Variants in DIS3L2 observed in about 807,000 individuals in gnomAD.
DIS3L2 encodes DIS3-like exonuclease 2.
Under a neutral mutation model 97.5 loss-of-function variants are expected in DIS3L2, and 34 were observed. The ratio of observed to expected loss-of-function variants is 0.35; its 90% CI spans 0.27 to 0.46. The LOEUF is 0.46. Ranked by LOEUF, DIS3L2 falls within the 20% of genes least tolerant of loss-of-function variation. The pLI, the probability that DIS3L2 is intolerant of heterozygous loss-of-function variation, is 1.00. For missense variants in DIS3L2, 1,038 were observed against 1,146.0 expected, an observed-to-expected ratio of 0.91 and a Z score of 1.36; for synonymous variants, 435 against 445.2, an observed-to-expected ratio of 0.98 and a Z score of 0.29.
At chr2:232,046,640 T>G (rs1426854117) in intron 5 of DIS3L2, among the ~76,000 whole-genome samples, 1 of 152,184 alleles carries the variant, frequency 6.6e-6, no homozygotes, top group Non-Finnish European at 1.5e-5. Flanking sequence ...CTGTAACCCC[T>G]TCACCCCCTT....
At chr2:232,204,956 A>G (rs1691988974) in intron 9 of DIS3L2, among the ~76,000 whole-genome samples, 1 of 152,028 alleles carries the variant, frequency 6.6e-6, no homozygotes, top group Non-Finnish European at 1.5e-5. Flanking sequence ...TGTCAGGGTC[A>G]CTCACCGTTC....
At chr2:231,967,427 A>AT (rs1266111557) in intron 1 of DIS3L2, among the ~76,000 whole-genome samples, 3 of 152,184 alleles carry the variant, frequency 2.0e-5, no homozygotes, top group East Asian at 3.9e-4. Context: ...GTTTAACTTC[A>AT]TTTTTTTAGG....
intron 6 of DIS3L2, among the ~76,000 whole-genome samples, chr2:232,128,696 C>T (rs1426547707): frequency 6.6e-6 from 1 of 152,010 alleles, no homozygotes; most frequent in Admixed American, 6.6e-5. Flanking sequence ...CTCTAGTGAT[C>T]CTTCTGCCCT....
At chr2:232,023,373 A>T (rs1420324045) in intron 3 of DIS3L2, among the ~76,000 whole-genome samples, 2 of 152,158 alleles carry the variant, frequency 1.3e-5, no homozygotes, top group Non-Finnish European at 2.9e-5. Flanking sequence ...TTTCTGCTTT[A>T]TTTTATGCCG....
chr2:232,072,842 G>A (rs1192043612), intron 5 of DIS3L2, among the ~76,000 whole-genome samples: 1 of 150,876 alleles, frequency 6.6e-6, no homozygotes, highest in Non-Finnish European at 1.5e-5. Flanking sequence ...GAGAGAAGGG[G>A]AGGTTGAGGT....
chr2:232,013,808 C>G (rs1694278346), intron 1 of DIS3L2, among the ~76,000 whole-genome samples: 1 of 152,236 alleles, frequency 6.6e-6, no homozygotes, highest in African/African-American at 2.4e-5. Flanking sequence ...TCTCTCCCTT[C>G]TTTCAACTGG....
intron 1 of DIS3L2, among the ~76,000 whole-genome samples, chr2:231,988,959 G>A (rs1046590872): frequency 5.9e-5 from 9 of 152,160 alleles, no homozygotes; most frequent in African/African-American, 2.2e-4. Flanking sequence ...TTGTTCAGTT[G>A]ATTATAGGTT....
rs376722215 is a variant in DIS3L2 at position 232,249,298 on chromosome 2, C to T, written c.1377C>T (p.Ser459=). The change falls in exon 12 of 21, where the codon TCC becomes TCT. Residue 459 remains serine (S), a synonymous_variant. Transcript: ENST00000325385. ...CEELCSLNPM[S]DKLTFSVIWT... ...AGCTGTGCAGCCTCAACCCCATGTCCGACAAGCTGACCTTCTCTGTGATCT... is the reference window on the plus strand; with the variant it reads ...AGCTGTGCAGCCTCAACCCCATGTCTGACAAGCTGACCTTCTCTGTGATCT... 2.6e-5 allele frequency: 42 copies of T among 1,614,086 alleles called. 1 individual carries two copies. Among genetic ancestry groups the T allele is most frequent in the East Asian group, 1.8e-4 (8 of 44,908 alleles).
intron 1 of DIS3L2, among the ~76,000 whole-genome samples, chr2:231,975,289 T>C (rs1244877132): frequency 6.6e-6 from 1 of 152,034 alleles, no homozygotes; most frequent in East Asian, 1.9e-4. Context: ...TCTGAGGCAG[T>C]TGGAACAGGA....
intron 10 of DIS3L2, among the ~76,000 whole-genome samples, chr2:232,235,394 T>G (rs1317537956): frequency 6.6e-6 from 1 of 152,222 alleles, no homozygotes; most frequent in African/African-American, 2.4e-5. Context: ...TTCTGCAAGT[T>G]CACATTATGT....
intron 10 of DIS3L2, among the ~76,000 whole-genome samples, chr2:232,218,268 GTC>G (rs1692399552): frequency 6.6e-6 from 1 of 152,178 alleles, no homozygotes; most frequent in Non-Finnish European, 1.5e-5. Context: ...ACACATATAT[GTC>G]CATGTCATGT....
intron 14 of DIS3L2, among the ~76,000 whole-genome samples, chr2:232,309,773 C>T (rs1695077176): frequency 6.6e-6 from 1 of 152,216 alleles, no homozygotes; most frequent in Admixed American, 6.5e-5. Context: ...GAGGCGTGCT[C>T]ACAGGAAGTG....
chr2:232,258,257 C>A lies in DIS3L2; in HGVS notation c.1426-4950C>A, dbSNP rs1693620681. On this transcript the variant is annotated intron_variant, in intron 12 of 20. Coordinates refer to ENST00000325385, the MANE Select transcript of DIS3L2 (RefSeq NM_152383.5). ...AGAGTATGTGCAGTAAACTCACCTG[C>A]CTACAGAAGAGTGACCCAAATCCTG... Among the ~76,000 whole-genome samples, 3 of 152,124 alleles carry A rather than the reference C, an allele frequency of 2.0e-5. No individual in the cohort carries two copies. In the South Asian group the frequency reaches 6.2e-4, roughly 32 times the overall value.
chr2:232,158,174 T>C (rs1027617968), intron 8 of DIS3L2, among the ~76,000 whole-genome samples: 2 of 152,228 alleles, frequency 1.3e-5, no homozygotes, highest in South Asian at 4.1e-4. Context: ...GTTTCTGCTA[T>C]ATTGTCTTTT....
At chr2:232,334,567 A>G in intron 18 of DIS3L2, 64 bp from the exon 19 acceptor site, 3 of 1,604,340 alleles carry the variant, frequency 1.9e-6, no homozygotes, top group Non-Finnish European at 2.6e-6. Context: ...CCTGCTCACC[A>G]GGAGGCCTCG....
chr2:232,263,379 A>G lies in DIS3L2; in HGVS notation c.1598A>G (p.His533Arg), dbSNP rs772894326. ...EEVHQAVLNLHGIAKQLRQQR... is the reference protein window; with the variant it reads ...EEVHQAVLNLRGIAKQLRQQR... ...GTACACCAGGCCGTCTTGAATCTCC[A>G]CGGAATTGCCAAGCAGTTACGCCAG... The change falls in exon 13 of 21, where the codon CAC becomes CGC. Residue 533 changes from histidine (H) to arginine (R), a missense_variant. This residue lies in a region of DIS3L2 where 813 missense variants were observed against 880.1 expected (regional missense o/e 0.92). Transcript: ENST00000325385. 2 of 1,614,134 alleles carry G rather than the reference A, an allele frequency of 1.2e-6. No individual in the cohort carries two copies. Among genetic ancestry groups the G allele is most frequent in the South Asian group, 1.1e-5 (1 of 91,074 alleles).
intron 5 of DIS3L2, among the ~76,000 whole-genome samples, chr2:232,075,182 A>G (rs1696147891): frequency 6.6e-6 from 1 of 152,158 alleles, no homozygotes; most frequent in Non-Finnish European, 1.5e-5. Flanking sequence ...CTGTAGGCAC[A>G]TTACAACTCT....
chr2:232,252,498 T>G (rs541195842), intron 12 of DIS3L2, among the ~76,000 whole-genome samples: 3 of 152,346 alleles, frequency 2.0e-5, no homozygotes, highest in African/African-American at 7.2e-5. Context: ...ATCAGTTGTT[T>G]TGGTTGATGT....
chr2:232,102,825 A>G (rs1475566511), intron 6 of DIS3L2, among the ~76,000 whole-genome samples: 1 of 152,200 alleles, frequency 6.6e-6, no homozygotes, highest in East Asian at 1.9e-4. Context: ...AAAGCATAAA[A>G]TAATAATTGC....
Sources: allele counts gnomAD v4.1 joint callset (sites outside exome capture counted in the v4.1 genomes callset), GRCh38; gene constraint gnomAD v4.1.1; regional missense constraint gnomAD v4.1.1; transcripts MANE v1.5; gene names NCBI Gene and HGNC (gene_info 2026-07-23, HGNC 2026-07-21).